Variants in DMD observed in about 807,000 individuals in gnomAD.
DMD encodes mutant dystrophin.
In DMD, 63 loss-of-function variants were observed where a neutral mutation model predicts 330.1. That is an observed-to-expected ratio of 0.19 (90% CI 0.16 to 0.24). The LOEUF is 0.24. DMD is among the 10% of genes least tolerant of loss of function. The pLI, the probability that DMD is intolerant of heterozygous loss-of-function variation, is 1.00. For missense variants in DMD, 3,344 were observed against 2,684.1 expected, an observed-to-expected ratio of 1.25 and a Z score of -5.43; for synonymous variants, 1,223 against 959.8, an observed-to-expected ratio of 1.27 and a Z score of -5.07.
chrX:31,271,513 C>T (rs770140268), intron 62 of DMD, among the ~76,000 whole-genome samples: 48 of 111,205 alleles, frequency 4.3e-4, no homozygotes, highest in Non-Finnish European at 6.4e-4. Flanking sequence ...TGCAGAGTGG[C>T]ATAGGAAAGG....
chrX:31,828,768 T>C (rs1438758394), intron 49 of DMD, among the ~76,000 whole-genome samples: 1 of 110,037 alleles, frequency 9.1e-6, no homozygotes, highest in Non-Finnish European at 1.9e-5. Flanking sequence ...CAGGACCAGA[T>C]GGATTCACAG....
At position 33,318,773 on chromosome X, in the gene DMD, TC is replaced by T. The variant is rs748721446; in HGVS notation, c.7+20485del. ...ACTTCCTCAGTCTTACTGAGTATTT[TC>T]CCCTGAGAATTAGATAATTGGCCTT... On this transcript the variant is annotated intron_variant, in intron 1 of 17. Coordinates refer to the DMD transcript ENST00000288447. Among the ~76,000 whole-genome samples, 668 of 110,540 alleles carry T rather than the reference TC, an allele frequency of 6.0e-3. 7 individuals carry two copies. The highest frequency in any genetic ancestry group is 0.02 in the African/African-American group (607 of 30,379).
chrX:33,112,939 A>G (rs1569555297), intron 1 of DMD, among the ~76,000 whole-genome samples: 1 of 109,675 alleles, frequency 9.1e-6, no homozygotes, highest in Non-Finnish European at 1.9e-5. Context: ...GGCAACAGTG[A>G]GACTCCATCT....
chrX:32,033,653 G>GAAAGAAAGA (rs201179363), intron 44 of DMD, among the ~76,000 whole-genome samples: 10 of 59,080 alleles, frequency 1.7e-4, no homozygotes, highest in African/African-American at 6.3e-4. Context: ...AAGAAAGAAA[G>GAAAGAAAGA]AAGAAAGAAA....
rs116588988 is a variant in DMD at position 32,098,632 on chromosome X, C to T, written c.6438+118284G>A. Among the ~76,000 whole-genome samples, 160 of 111,971 alleles carry T rather than the reference C, an allele frequency of 1.4e-3. 1 individual carries two copies. The highest frequency in any genetic ancestry group is 4.8e-3 in the African/African-American group (149 of 30,885). ...CTCCTAGCACAATGTTTGGCACATA[C>T]TTGTTTCTTAATACAAGTTCTTTAA... On this transcript the variant is annotated intron_variant, in intron 44 of 78. Coordinates refer to ENST00000357033, the MANE Select transcript of DMD (RefSeq NM_004006.3).
intron 1 of DMD, among the ~76,000 whole-genome samples, chrX:33,066,472 G>A (rs1307268161): frequency 9.8e-6 from 1 of 101,904 alleles, no homozygotes; most frequent in Non-Finnish European, 2.0e-5. Context: ...AAGGAAGGAA[G>A]GAAGGAAAAA....
chrX:33,327,321 C>T (rs1234931569), intron 1 of DMD, among the ~76,000 whole-genome samples: 1 of 111,565 alleles, frequency 9.0e-6, no homozygotes, highest in Non-Finnish European at 1.9e-5. Flanking sequence ...TGGAATGCTT[C>T]TCCAATGAAC....
rs781720894 is a variant in DMD at position 31,743,860 on chromosome X, C to CT, written c.7543-14113dup. ...AAATCAAAGTTGAAAAAATGTTTGT[C>CT]TTTTTTTTTTTTTCCACACAGGGTC... On this transcript the variant is annotated intron_variant, in intron 51 of 78. Coordinates refer to ENST00000357033, the MANE Select transcript of DMD (RefSeq NM_004006.3). Among the ~76,000 whole-genome samples the CT allele has an allele frequency of 8.9e-3, 927 of 103,669 alleles. 10 individuals carry two copies. Among genetic ancestry groups the CT allele is most frequent in the African/African-American group, 0.028 (815 of 28,830 alleles). The allele number at this position is 103,669 out of a possible 115,157, so 90.0% of individuals were successfully genotyped here.
At chrX:31,753,896 A>G (rs1418884773) in intron 51 of DMD, among the ~76,000 whole-genome samples, 1 of 111,746 alleles carries the variant, frequency 8.9e-6, no homozygotes, top group Non-Finnish European at 1.9e-5. Context: ...AGTGTTAAGT[A>G]GCATGTTAAC....
chrX:32,871,530 T>A (rs751506508), intron 2 of DMD, among the ~76,000 whole-genome samples: 50 of 111,410 alleles, frequency 4.5e-4, no homozygotes, highest in African/African-American at 1.6e-3. Context: ...TCTCAGTAAT[T>A]CCCTGGAATC....
chrX:32,088,677 A>AGTGTGTGTGTGT lies in DMD; in HGVS notation c.6439-120175_6439-120164dup, dbSNP rs34596391. Among the ~76,000 whole-genome samples, 642 of 97,396 alleles carry AGTGTGTGTGTGT rather than the reference A, an allele frequency of 6.6e-3. 3 individuals carry two copies. The highest frequency in any genetic ancestry group is 0.021 in the African/African-American group (558 of 26,154). 84.6% of individuals were successfully genotyped at this position (97,396 alleles called of 115,157 possible). On this transcript the variant is annotated intron_variant, in intron 44 of 78. Transcript: ENST00000357033. The stretch of plus-strand genomic sequence containing the variant: ...AATATTTAAATGAAAATAGCTCTGA[A>AGTGTGTGTGTGT]GTGTGTGTGTGTGTGTGTGTGTGTG...
At chrX:31,218,363 T>TGGGGCA (rs199744735) in intron 64 of DMD, among the ~76,000 whole-genome samples, 17 of 109,897 alleles carry the variant, frequency 1.5e-4, no homozygotes, top group East Asian at 2.8e-4. Context: ...AGCTCTGGGA[T>TGGGGCA]GGGGCAGGGG....
At chrX:32,616,776 G>A (rs756433563) in intron 11 of DMD, among the ~76,000 whole-genome samples, 2 of 100,160 alleles carry the variant, frequency 2.0e-5, no homozygotes, top group African/African-American at 7.6e-5. Flanking sequence ...TGCTTCTAGG[G>A]TGTTGTAGCT....
intron 29 of DMD, among the ~76,000 whole-genome samples, chrX:32,425,620 T>C (rs1230557734): frequency 9.0e-6 from 1 of 111,610 alleles, no homozygotes; most frequent in African/African-American, 3.3e-5. Flanking sequence ...TTTTCTCTTT[T>C]ACCAAATCTT....
chrX:32,787,485 C>G (rs2075484336), intron 7 of DMD, among the ~76,000 whole-genome samples: 1 of 110,189 alleles, frequency 9.1e-6, no homozygotes, highest in Admixed American at 9.8e-5. Flanking sequence ...GTAGATCCCC[C>G]TTTTCCACGG....
At chrX:32,329,564 C>T (rs1025906283) in intron 41 of DMD, among the ~76,000 whole-genome samples, 22 of 111,881 alleles carry the variant, frequency 2.0e-4, no homozygotes, top group Non-Finnish European at 2.1e-4. Context: ...AGTGTATCTA[C>T]GAAGCAAGAA....
chrX:32,400,766 A>G (rs1158179500), intron 30 of DMD, among the ~76,000 whole-genome samples: 1 of 108,124 alleles, frequency 9.2e-6, no homozygotes, highest in African/African-American at 3.4e-5. Flanking sequence ...TGTGGAAGTC[A>G]GTGTGGCGAT....
chrX:32,931,248 T>C (rs1279951067), intron 2 of DMD, among the ~76,000 whole-genome samples: 2 of 110,443 alleles, frequency 1.8e-5, no homozygotes, highest in Non-Finnish European at 3.8e-5. Flanking sequence ...ATTAAGAGTG[T>C]AAATGGAATC....
At chrX:32,038,270 T>C (rs1393057010) in intron 44 of DMD, among the ~76,000 whole-genome samples, 4 of 112,003 alleles carry the variant, frequency 3.6e-5, no homozygotes, top group Non-Finnish European at 7.5e-5. Flanking sequence ...AGGGAGATTA[T>C]ACACTAGGTT....
Sources: gnomAD v4.1 joint callset for allele counts (sites outside exome capture counted in the v4.1 genomes callset) on GRCh38, gnomAD v4.1.1 for gene constraint, MANE v1.5 for transcripts, NCBI Gene and HGNC (gene_info 2026-07-23, HGNC 2026-07-21) for gene names.